The following KDM4B variants were observed in gnomAD, a reference collection of about 807,000 sequenced individuals.
KDM4B encodes lysine-specific demethylase 4B.
A neutral mutation model predicts 125.2 loss-of-function variants in KDM4B; 32 were observed. That is an observed-to-expected ratio of 0.26 (90% CI 0.19 to 0.34). The LOEUF is 0.34. Among genes scored for constraint, KDM4B ranks in the 10% least tolerant of loss-of-function variants. The pLI, the probability that KDM4B is intolerant of heterozygous loss-of-function variation, is 1.00. For synonymous variants in KDM4B, 721 were observed against 677.9 expected (o/e 1.06, Z -0.99); for missense variants, 1,190 against 1,577.7 (o/e 0.75, Z 4.16).
Position 5,069,332 on chromosome 19 carries a change from C to G in KDM4B, c.627-1678C>G, listed in dbSNP as rs534064323. Among the ~76,000 whole-genome samples, 218 of 152,118 alleles carry G rather than the reference C, an allele frequency of 1.4e-3. 2 individuals are homozygous for G. The highest frequency in any genetic ancestry group is 3.4e-3 in the Middle Eastern group (1 of 294). On this transcript the variant is annotated intron_variant, in intron 6 of 22. Transcript: ENST00000159111. ...TTTTATTTTTTTTAATTTTTTGAGA[C>G]AGAGTCTTGCTCTGTTGCCCAGGCT...
chr19:4,975,422 G>T (rs539524642), intron 1 of KDM4B, among the ~76,000 whole-genome samples: 1 of 152,078 alleles, frequency 6.6e-6, no homozygotes, highest in South Asian at 2.1e-4. Flanking sequence ...ACAAAAACAG[G>T]TGGCGGGCAG....
At position 5,047,791 on chromosome 19, in the gene KDM4B, C is replaced by T. The variant is rs1042023144; in HGVS notation, c.626+122C>T. On this transcript the variant is annotated intron_variant, in intron 6 of 22. Coordinates refer to ENST00000159111, the MANE Select transcript of KDM4B (RefSeq NM_015015.3). ...CACCAGGTGAGGCCGCAAAGGTCGG[C>T]CTATGACGGCTGGAGATCTTCCGGA... 5 of 928,846 alleles carry T rather than the reference C, an allele frequency of 5.4e-6. No homozygotes were observed. The African/African-American group carries it at 6.6e-5, about 12-fold the overall frequency. 57.5% of individuals were successfully genotyped at this position (928,846 alleles called of 1,614,324 possible).
At chr19:5,026,061 T>C (rs981467921) in intron 2 of KDM4B, among the ~76,000 whole-genome samples, 7 of 150,152 alleles carry the variant, frequency 4.7e-5, no homozygotes, top group African/African-American at 1.7e-4. Context: ...GTTTGTATTT[T>C]TAGTAGAGAT....
chr19:5,138,591 G>A (rs1222045123), intron 18 of KDM4B: 1 of 160,760 alleles, frequency 6.2e-6, no homozygotes, highest in Non-Finnish European at 1.4e-5. Flanking sequence ...GGGATACCCA[G>A]GCTGCAGTGA....
At chr19:5,066,971 G>A (rs908962632) in intron 6 of KDM4B, among the ~76,000 whole-genome samples, 3 of 152,138 alleles carry the variant, frequency 2.0e-5, no homozygotes, top group African/African-American at 7.2e-5. Flanking sequence ...CGCGTCCTGC[G>A]TCCCGGCCGA....
At chr19:5,073,373 A>G (rs2038007041) in intron 7 of KDM4B, among the ~76,000 whole-genome samples, 1 of 152,248 alleles carries the variant, frequency 6.6e-6, no homozygotes, top group South Asian at 2.1e-4. Flanking sequence ...GAGAGCCAGC[A>G]GCCCCGGTGG....
intron 9 of KDM4B, among the ~76,000 whole-genome samples, chr19:5,091,211 A>G (rs2038696119): frequency 6.6e-6 from 1 of 152,208 alleles, no homozygotes; most frequent in Non-Finnish European, 1.5e-5. Context: ...TCTCTCCTCC[A>G]GAGCCCAGGA....
At chr19:5,108,911 C>T (rs1351846048) in intron 9 of KDM4B, among the ~76,000 whole-genome samples, 2 of 152,188 alleles carry the variant, frequency 1.3e-5, no homozygotes, top group African/African-American at 4.8e-5. Flanking sequence ...GCCCGTGCCT[C>T]TGCCCCCCAC....
intron 9 of KDM4B, among the ~76,000 whole-genome samples, chr19:5,101,484 G>A (rs1237522139): frequency 1.3e-5 from 2 of 150,792 alleles, no homozygotes; most frequent in African/African-American, 4.9e-5. Context: ...CTGTGATCAC[G>A]CCACCACATT....
At chr19:5,067,425 T>A (rs937326689) in intron 6 of KDM4B, among the ~76,000 whole-genome samples, 2 of 152,186 alleles carry the variant, frequency 1.3e-5, no homozygotes, top group African/African-American at 4.8e-5. Flanking sequence ...AGCTGATGGC[T>A]GCAGAGGGCT....
At chr19:5,022,770 C>T (rs1310318819) in intron 2 of KDM4B, among the ~76,000 whole-genome samples, 1 of 151,822 alleles carries the variant, frequency 6.6e-6, no homozygotes, top group Non-Finnish European at 1.5e-5. Flanking sequence ...TCTGAGTGAG[C>T]GCAGGCAGAG....
intron 2 of KDM4B, among the ~76,000 whole-genome samples, chr19:5,021,343 C>CT (rs1460185452): frequency 6.6e-6 from 1 of 152,148 alleles, no homozygotes; most frequent in Non-Finnish European, 1.5e-5. Context: ...AACCCCAGCA[C>CT]TTTGGGAGGC....
At chr19:5,113,871 C>G in intron 10 of KDM4B, 1 of 985,216 alleles carries the variant, frequency 1.0e-6, no homozygotes, top group Non-Finnish European at 1.2e-6. Flanking sequence ...TGGGATGGCC[C>G]TCATGTGTTT....
chr19:4,970,268 G>A (rs1359544671), intron 1 of KDM4B, among the ~76,000 whole-genome samples: 1 of 152,232 alleles, frequency 6.6e-6, no homozygotes, highest in Non-Finnish European at 1.5e-5. Flanking sequence ...TGTTTGCTTG[G>A]GGGAGGATGC....
In KDM4B at chr19:5,135,374, C is replaced by A; in HGVS notation, c.2121C>A (p.Ser707=). 6.2e-7 allele frequency: 1 copy of A among 1,613,476 alleles called. No homozygotes were observed. The highest frequency in any genetic ancestry group is 8.5e-7 in the Non-Finnish European group (1 of 1,179,946). ...CTGAGAAGGAGGCACCCATAGCCTCCCTCGGAGAGGGCTGCCCGGCCACAT... is the reference window on the plus strand; with the variant it reads ...CTGAGAAGGAGGCACCCATAGCCTCACTCGGAGAGGGCTGCCCGGCCACAT... The part of the protein sequence containing the change: ...LQTEKEAPIA[S]LGEGCPATLP... Residue 707 remains serine, a synonymous_variant, in exon 15 of 23, where the codon TCC becomes TCA. Transcript: ENST00000159111.
intron 18 of KDM4B, chr19:5,140,185 G>A (rs1439581912): frequency 2.6e-5 from 4 of 152,576 alleles, no homozygotes; most frequent in Admixed American, 6.5e-5. Flanking sequence ...GGCCCCCAGT[G>A]TCACCTACTG....
In KDM4B at chr19:5,131,542, G is replaced by T; in HGVS notation, c.1782G>T (p.Gly594=). ...RMETKARAGE[G]QAPSTFSKLK... is the part of the protein sequence containing the mutation. ...AGACCAAAGCCCGGGCCGGAGAGGGGCAGGTGGGGTGGAGCGGGGGAGGCA... is the reference window on the plus strand; with the variant it reads ...AGACCAAAGCCCGGGCCGGAGAGGGTCAGGTGGGGTGGAGCGGGGGAGGCA... Residue 594 remains glycine (G), a synonymous_variant, in exon 12 of 23, where the codon GGG becomes GGT. Coordinates refer to ENST00000159111, the MANE Select transcript of KDM4B (RefSeq NM_015015.3). The T allele has an allele frequency of 6.5e-7, 1 of 1,529,838 alleles. No individual in the cohort carries two copies. Among genetic ancestry groups the T allele is most frequent in the South Asian group, 1.2e-5 (1 of 84,670 alleles). The allele number at this position is 1,529,838 out of a possible 1,614,324, so 94.8% of individuals were successfully genotyped here. A position where few individuals can be genotyped will look rare whatever the true frequency, so the allele number is the denominator to read the frequency against.
At chr19:5,149,914 T>C (rs997253840) in intron 21 of KDM4B, among the ~76,000 whole-genome samples, 14 of 152,194 alleles carry the variant, frequency 9.2e-5, no homozygotes, top group Admixed American at 5.9e-4. Context: ...GCTCCTGAGC[T>C]CAGGCCCCTG....
chr19:5,032,482 C>T (rs1266701959), intron 2 of KDM4B, among the ~76,000 whole-genome samples: 2 of 152,238 alleles, frequency 1.3e-5, no homozygotes, highest in African/African-American at 2.4e-5. Context: ...GCAGATGCCG[C>T]GGTCTCTCGT....
Sources: gnomAD v4.1 joint callset for allele counts (sites outside exome capture counted in the v4.1 genomes callset) on GRCh38, gnomAD v4.1.1 for gene constraint, MANE v1.5 for transcripts, NCBI Gene and HGNC (gene_info 2026-07-23, HGNC 2026-07-21) for gene names.